The following SEC14L4 variants were observed in gnomAD, a reference collection of about 807,000 sequenced individuals.
The protein encoded by SEC14L4 is SEC14-like protein 4.
Under a neutral mutation model 55.1 loss-of-function variants are expected in SEC14L4, and 42 were observed. That is an observed-to-expected ratio of 0.76 (90% CI 0.60 to 0.99). The LOEUF is 0.99. Ranked by LOEUF, SEC14L4 falls within the 50% of genes least tolerant of loss-of-function variation. The probability of loss-of-function intolerance (pLI) is 0.00; values close to 1 mark genes in which losing one functional copy is unlikely to be tolerated. For synonymous variants in SEC14L4, 206 were observed against 206.8 expected (o/e 1.00, Z 0.03); for missense variants, 445 against 512.1 (o/e 0.87, Z 1.27).
rs1178166693 is a variant in SEC14L4 at position 30,492,126 on chromosome 22, T to C, written c.694A>G (p.Ile232Val). ...TCCACAGGCAGCTGGTCGGGGCTGATGAATTTTGTCAGCTCCTGCTTCCAG... is the reference window on the plus strand; with the variant it reads ...TCCACAGGCAGCTGGTCGGGGCTGACGAATTTTGTCAGCTCCTGCTTCCAG... ...DNWKQELTKF[I>V]SPDQLPVEFG... is the part of the protein sequence containing the mutation. The change falls in exon 9 of 12, where the codon ATC becomes GTC. Residue 232 changes from isoleucine (I) to valine (V), a missense_variant. Ile to Val is a conservative substitution (Grantham distance 29). Coordinates refer to ENST00000255858, the MANE Select transcript of SEC14L4 (RefSeq NM_174977.4). 6 of 1,613,454 alleles carry C rather than the reference T, an allele frequency of 3.7e-6. No individual in the cohort carries two copies. Among genetic ancestry groups the C allele is most frequent in the Non-Finnish European group, 5.1e-6 (6 of 1,179,732 alleles).
Position 30,495,610 on chromosome 22 carries a change from G to T in SEC14L4, c.207C>A (p.Asp69Glu). The T allele has an allele frequency of 6.2e-7, 1 of 1,614,026 alleles. No homozygotes were observed. Among genetic ancestry groups the T allele is most frequent in the Non-Finnish European group, 8.5e-7 (1 of 1,180,024 alleles). The part of the protein sequence containing the change: ...HMEFRKQQDL[D>E]NIVTWQPPEV... ...CAGGGGGCTGCCATGTGACAATGTT[G>T]TCCAGGTCTTGTTGCTTCCGGAACT... Residue 69 changes from aspartate to glutamate, a missense_variant, in exon 4 of 12, where the codon GAC becomes GAA. Transcript: ENST00000255858.
chr22:30,491,477 C>T, intron 11 of SEC14L4, 96 bp downstream of exon 11: 1 of 1,476,388 alleles, frequency 6.8e-7, no homozygotes, highest in Non-Finnish European at 9.3e-7. Flanking sequence ...CTGGAGCTTA[C>T]AGAGATCCCC....
rs201528567 is a variant in SEC14L4, at chr22:30,490,246, T to A, written c.1082A>T (p.Tyr361Phe). 1.6e-5 allele frequency: 26 copies of A among 1,612,788 alleles called. No homozygotes were observed. Among genetic ancestry groups the A allele is most frequent in the Middle Eastern group, 1.6e-4 (1 of 6,084 alleles). The change falls in exon 12 of 12, where the codon TAT becomes TTT. Residue 361 changes from tyrosine to phenylalanine, a missense_variant and splice_region_variant. Coordinates refer to ENST00000255858, the MANE Select transcript of SEC14L4 (RefSeq NM_174977.4). ...GSLTCLQAGV[Y>F]VLRFDNTYSR... ...GTAGGTGTTGTCGAAGCGCAGGACA[T>A]CTGCAGTGATGGAGAGGTGATCAGG... is the stretch of plus-strand genomic sequence containing the variant.
At chr22:30,504,159 T>C (rs1248247366) in intron 1 of SEC14L4, among the ~76,000 whole-genome samples, 17 of 151,922 alleles carry the variant, frequency 1.1e-4, no homozygotes, top group East Asian at 1.9e-4. Context: ...CCGGGTTCAA[T>C]AGATCCTCCC....
intron 2 of SEC14L4, among the ~76,000 whole-genome samples, chr22:30,502,915 A>C (rs769074581): frequency 5.3e-5 from 8 of 152,210 alleles, no homozygotes; most frequent in Non-Finnish European, 1.0e-4. Context: ...GCATTCGCTA[A>C]ATCCACTTCC....
chr22:30,504,047 A>ATATTATTATTATTAT (rs3067219), intron 1 of SEC14L4, among the ~76,000 whole-genome samples: 60 of 143,890 alleles, frequency 4.2e-4, no homozygotes, highest in African/African-American at 1.3e-3. Flanking sequence ...TATTATTTTT[A>ATATTATTATTATTAT]TATTATTATT....
In SEC14L4 at chr22:30,494,878, C is replaced by A. The variant is rs754247839; in HGVS notation, c.507G>T (p.Glu169Asp). ...SLKHLWKPAV[E>D]VYQQFFSILE... ...CCACCCACCTTACCTGCTGGTAGAC[C>A]TCCACAGCTGGCTTCCACAGGTGTT... The change falls in exon 6 of 12, where the codon GAG becomes GAT. Residue 169 changes from glutamate to aspartate, a missense_variant. Glu to Asp is a conservative substitution (Grantham distance 45). Coordinates refer to ENST00000255858, the MANE Select transcript of SEC14L4 (RefSeq NM_174977.4). 2.5e-6 allele frequency: 4 copies of A among 1,613,052 alleles called. No individual in the cohort carries two copies. In the South Asian group the frequency reaches 4.4e-5, roughly 18 times the overall value.
At chr22:30,494,260 C>T in intron 6 of SEC14L4, 50 bp from the exon 7 acceptor site, 1 of 1,467,810 alleles carries the variant, frequency 6.8e-7, no homozygotes, top group Non-Finnish European at 9.6e-7. Context: ...TCACCTCCCG[C>T]CCATGGGTTT....
At chr22:30,503,915 A>C in intron 1 of SEC14L4, 163 bp from the exon 2 acceptor site, 1 of 525,666 alleles carries the variant, frequency 1.9e-6, no homozygotes, top group Non-Finnish European at 3.4e-6. Flanking sequence ...GGCACCCTCC[A>C]GCCCAACATA....
At chr22:30,492,300 T>G in intron 8 of SEC14L4, 145 bp from the exon 9 acceptor site, 1 of 1,204,612 alleles carries the variant, frequency 8.3e-7, no homozygotes, top group Non-Finnish European at 1.2e-6. Context: ...GACCTTTATG[T>G]GGCTCCCAGC....
chr22:30,494,096 A>AC (rs1569242239), intron 7 of SEC14L4, 54 bp downstream of exon 7: 1 of 1,317,234 alleles, frequency 7.6e-7, no homozygotes, highest in Non-Finnish European at 1.1e-6. Flanking sequence ...TACCTACTGT[A>AC]CCCCCAATTC....
At chr22:30,501,398 GT>G (rs1408184957) in intron 2 of SEC14L4, among the ~76,000 whole-genome samples, 1 of 152,158 alleles carries the variant, frequency 6.6e-6, no homozygotes, top group African/African-American at 2.4e-5. Flanking sequence ...CAAAAGCTGG[GT>G]TTTAAACCCA....
intron 5 of SEC14L4, 48 bp downstream of exon 5, chr22:30,495,206 G>T: frequency 6.6e-7 from 1 of 1,509,368 alleles, no homozygotes. Flanking sequence ...TCTGGTCCTG[G>T]TGCCACCCTG....
At chr22:30,503,272 T>G (rs1444339157) in intron 2 of SEC14L4, among the ~76,000 whole-genome samples, 1 of 151,972 alleles carries the variant, frequency 6.6e-6, no homozygotes, top group African/African-American at 2.4e-5. Context: ...TTTTTTGTTT[T>G]TTTTTTTTTG....
At chr22:30,490,620 C>G (rs964678787) in intron 11 of SEC14L4, among the ~76,000 whole-genome samples, 1 of 152,198 alleles carries the variant, frequency 6.6e-6, no homozygotes, top group African/African-American at 2.4e-5. Flanking sequence ...TGCGTCCTCG[C>G]CTAGTTGCGG....
chr22:30,490,241 G>C lies in SEC14L4; in HGVS notation c.1087C>G (p.Leu363Val). 1 of 1,613,236 alleles carries C rather than the reference G, an allele frequency of 6.2e-7. No homozygotes were observed. The highest frequency in any genetic ancestry group is 8.5e-7 in the Non-Finnish European group (1 of 1,180,028). Residue 363 changes from leucine to valine, a missense_variant, in exon 12 of 12, where the codon CTG becomes GTG. Transcript: ENST00000255858. ...CGGCTGTAGGTGTTGTCGAAGCGCA[G>C]GACATCTGCAGTGATGGAGAGGTGA... Reference protein sequence around the residue: ...LTCLQAGVYVLRFDNTYSRMH... With the variant: ...LTCLQAGVYVVRFDNTYSRMH...
intron 7 of SEC14L4, 140 bp from the exon 8 acceptor site, chr22:30,492,697 AC>A: frequency 1.5e-6 from 1 of 671,474 alleles, no homozygotes; most frequent in Non-Finnish European, 2.7e-6. Context: ...TCAGCAAGTT[AC>A]CCACCCTCTC....
chr22:30,501,856 T>C (rs981651889), intron 2 of SEC14L4, among the ~76,000 whole-genome samples: 2 of 141,686 alleles, frequency 1.4e-5, no homozygotes, highest in African/African-American at 2.6e-5. Context: ...CATATATATA[T>C]ATATATATAT....
Position 30,489,724 on chromosome 22 carries a change from G to A in SEC14L4, c.*383C>T. 1.3e-6 allele frequency: 1 copy of A among 782,908 alleles called. No homozygotes were observed. 48.5% of individuals were successfully genotyped at this position (782,908 alleles called of 1,614,324 possible). A position where few individuals can be genotyped will look rare whatever the true frequency, so the allele number is the denominator to read the frequency against. On this transcript the variant is annotated 3_prime_UTR_variant, in exon 12 of 12. Coordinates refer to ENST00000255858, the MANE Select transcript of SEC14L4 (RefSeq NM_174977.4). ...AAGCTGTGATGTCCACAGGACCTAG[G>A]AACCACGCACACCCCCTGAAGCTGG...
Sources: allele counts gnomAD v4.1 joint callset (sites outside exome capture counted in the v4.1 genomes callset), GRCh38; gene constraint gnomAD v4.1.1; transcripts MANE v1.5; gene names NCBI Gene and HGNC (gene_info 2026-07-23, HGNC 2026-07-21).